CSMD1: variants seen among roughly 807,000 people sequenced by gnomAD.
CSMD1 encodes CUB and sushi domain-containing protein 1.
Under a neutral mutation model 417.5 loss-of-function variants are expected in CSMD1, and 213 were observed. The observed-to-expected ratio is 0.51, with a 90% CI of 0.46 to 0.57. The LOEUF (loss-of-function observed/expected upper bound fraction) is 0.57. Ranked by LOEUF, CSMD1 falls within the 20% of genes least tolerant of loss-of-function variation. The pLI is 0.00. For missense variants in CSMD1, 6,923 were observed against 4,529.7 expected (o/e 1.53, Z -15.17); for synonymous variants, 2,862 against 1,736.8 (o/e 1.65, Z -16.11).
In CSMD1 at chr8:4,201,368, C is replaced by A. The variant is rs57159384; in HGVS notation, c.416-169269G>T. ...CTTGGGTAACACGGTGAAACCCCAT[C>A]TCTACTAAAAATACAAAAAATTAGC... On this transcript the variant is annotated intron_variant, in intron 3 of 69. Transcript: ENST00000635120. Among the ~76,000 whole-genome samples, 972 of 151,984 alleles carry A rather than the reference C, an allele frequency of 6.4e-3. 10 individuals are homozygous for A. Among genetic ancestry groups the A allele is most frequent in the African/African-American group, 0.023 (941 of 41,460 alleles).
chr8:3,811,047 A>C (rs759571561), intron 5 of CSMD1, among the ~76,000 whole-genome samples: 1 of 152,176 alleles, frequency 6.6e-6, no homozygotes, highest in Non-Finnish European at 1.5e-5. Context: ...CAGGGGATGA[A>C]TCTTGAATTC....
At chr8:4,079,809 G>A (rs559936814) in intron 3 of CSMD1, among the ~76,000 whole-genome samples, 1 of 152,102 alleles carries the variant, frequency 6.6e-6, no homozygotes, top group Admixed American at 6.5e-5. Flanking sequence ...AGCAGGGAGT[G>A]ACATCACGAG....
intron 26 of CSMD1, among the ~76,000 whole-genome samples, chr8:3,256,795 T>A (rs1214154579): frequency 6.6e-6 from 1 of 152,232 alleles, no homozygotes; most frequent in Admixed American, 6.5e-5. Context: ...AAAGGCATCT[T>A]TTCTTGTAAG....
intron 3 of CSMD1, among the ~76,000 whole-genome samples, chr8:4,125,180 G>A (rs528248320): frequency 1.3e-5 from 2 of 152,144 alleles, no homozygotes; most frequent in South Asian, 2.1e-4. Flanking sequence ...TAACTCTTGG[G>A]GCCCCAAAAT....
At chr8:3,802,903 G>A (rs1361430795) in intron 5 of CSMD1, among the ~76,000 whole-genome samples, 1 of 151,910 alleles carries the variant, frequency 6.6e-6, no homozygotes, top group African/African-American at 2.4e-5. Context: ...ATTTGACAAA[G>A]GAAAACAGGA....
intron 16 of CSMD1, among the ~76,000 whole-genome samples, chr8:3,398,584 C>G (rs578260419): frequency 1.3e-5 from 2 of 152,226 alleles, no homozygotes; most frequent in South Asian, 4.1e-4. Flanking sequence ...ATTCCGGATA[C>G]TGAAATCCAG....
chr8:3,570,010 C>G (rs886741954), intron 10 of CSMD1, among the ~76,000 whole-genome samples: 1 of 152,006 alleles, frequency 6.6e-6, no homozygotes, highest in African/African-American at 2.4e-5. Flanking sequence ...ACAATGTCTG[C>G]ATAAGTGTAC....
intron 3 of CSMD1, among the ~76,000 whole-genome samples, chr8:4,416,337 A>G (rs775968968): frequency 2.8e-4 from 43 of 152,286 alleles, no homozygotes; most frequent in Non-Finnish European, 4.6e-4. Context: ...TAAAAAGTCA[A>G]CCTAAATTAT....
chr8:3,489,269 T>C lies in CSMD1; in HGVS notation c.1448+4354A>G, dbSNP rs895672229. On this transcript the variant is annotated intron_variant, in intron 11 of 69. Coordinates refer to ENST00000635120, the MANE Select transcript of CSMD1 (RefSeq NM_033225.6). ...CAGCCCTAAGAAAGAACCAGTATCC[T>C]GATTTGTTAATCCACACATCTGGTT... Among the ~76,000 whole-genome samples, 80 of 152,330 alleles carry C rather than the reference T, an allele frequency of 5.3e-4. 1 individual carries two copies. The highest frequency in any genetic ancestry group is 1.7e-3 in the African/African-American group (72 of 41,574).
Position 3,586,121 on chromosome 8 carries a change from C to G in CSMD1, c.1222+15G>C. The stretch of plus-strand genomic sequence containing the variant: ...AAAGAGATAATCCAGGCTTTACCCA[C>G]CGCAGGTGCCTTACCTCGGCAGATG... On this transcript the variant is annotated intron_variant, in intron 9 of 69. Coordinates refer to ENST00000635120, the MANE Select transcript of CSMD1 (RefSeq NM_033225.6). 1 of 1,608,322 alleles carries G rather than the reference C, an allele frequency of 6.2e-7. No individual in the cohort carries two copies.
chr8:4,452,871 C>A (rs146866217), intron 2 of CSMD1, among the ~76,000 whole-genome samples: 1 of 152,000 alleles, frequency 6.6e-6, no homozygotes, highest in Non-Finnish European at 1.5e-5. Flanking sequence ...ATAGGAAGGC[C>A]GACTGTGAAA....
chr8:4,522,311 C>T (rs968086421), intron 2 of CSMD1, among the ~76,000 whole-genome samples: 1 of 152,124 alleles, frequency 6.6e-6, no homozygotes, highest in Admixed American at 6.6e-5. Flanking sequence ...GCCTCCCCAG[C>T]CATGTGGAAC....
At chr8:3,082,458 C>T (rs1170326368) in intron 49 of CSMD1, among the ~76,000 whole-genome samples, 1 of 152,170 alleles carries the variant, frequency 6.6e-6, no homozygotes, top group Non-Finnish European at 1.5e-5. Context: ...CTCTGCTACT[C>T]CCGCCGGATG....
chr8:4,939,478 A>G (rs1390791859), intron 1 of CSMD1, among the ~76,000 whole-genome samples: 1 of 152,226 alleles, frequency 6.6e-6, no homozygotes, highest in Admixed American at 6.5e-5. Flanking sequence ...TAAAAAGAAG[A>G]CAGTCCTGTC....
chr8:4,914,741 C>A (rs10095923), intron 1 of CSMD1, among the ~76,000 whole-genome samples: 1 of 152,090 alleles, frequency 6.6e-6, no homozygotes, highest in South Asian at 2.1e-4. Context: ...ACTTAAGAGG[C>A]TAATGTGTTT....
chr8:3,418,255 G>A (rs187899381), intron 12 of CSMD1, among the ~76,000 whole-genome samples: 51 of 152,186 alleles, frequency 3.4e-4, no homozygotes, highest in African/African-American at 9.9e-4. Flanking sequence ...CTGGAAATTC[G>A]GGCTATAAGT....
intron 3 of CSMD1, among the ~76,000 whole-genome samples, chr8:4,208,875 G>A (rs757663322): frequency 6.6e-6 from 1 of 152,246 alleles, no homozygotes; most frequent in African/African-American, 2.4e-5. Context: ...CAAAATACCA[G>A]GGAGTGTGAG....
chr8:3,766,457 G>A (rs569692967), intron 5 of CSMD1, among the ~76,000 whole-genome samples: 37 of 152,216 alleles, frequency 2.4e-4, no homozygotes, highest in African/African-American at 7.9e-4. Flanking sequence ...GTGAAGACAG[G>A]CCTCTCAGGC....
chr8:3,883,667 C>G (rs989309124), intron 5 of CSMD1, among the ~76,000 whole-genome samples: 3 of 152,030 alleles, frequency 2.0e-5, no homozygotes, highest in African/African-American at 4.8e-5. Context: ...TTAATTTACA[C>G]TAACTTCTAT....
Sources: gnomAD v4.1 joint callset for allele counts (sites outside exome capture counted in the v4.1 genomes callset) on GRCh38, gnomAD v4.1.1 for gene constraint, MANE v1.5 for transcripts, NCBI Gene and HGNC (gene_info 2026-07-23, HGNC 2026-07-21) for gene names.